SLC22A4: variants seen among roughly 807,000 people sequenced by gnomAD.
SLC22A4 encodes ET transporter.
A neutral mutation model predicts 56.6 loss-of-function variants in SLC22A4; 39 were observed. That is an observed-to-expected ratio of 0.69 (90% CI 0.53 to 0.90). The LOEUF is 0.90. Ranked by LOEUF, SLC22A4 falls within the 40% of genes least tolerant of loss-of-function variation. SLC22A4 has a pLI of 0.00. For synonymous variants in SLC22A4, 241 were observed against 281.4 expected (o/e 0.86, Z 1.44); for missense variants, 594 against 696.5 (o/e 0.85, Z 1.66).
chr5:132,294,920 G>A lies in SLC22A4; in HGVS notation c.304G>A (p.Asp102Asn), dbSNP rs1486217854. The A allele has an allele frequency of 6.3e-7, 1 of 1,597,328 alleles. No individual in the cohort carries two copies. Residue 102 changes from aspartate to asparagine, a missense_variant, in exon 1 of 10, where the codon GAC becomes AAC. By Grantham distance (23) the Asp-to-Asn change is conservative. Coordinates refer to ENST00000200652, the MANE Select transcript of SLC22A4 (RefSeq NM_003059.3). The surrounding 1 kb of genome is among the most constrained non-coding windows in gnomAD (Gnocchi z 5.6). ...GGCGCTCGGGCTGGAGCCGGGGCGCGACGTGGACCTGGGGCAGCTGGAGCA... is the reference window on the plus strand; with the variant it reads ...GGCGCTCGGGCTGGAGCCGGGGCGCAACGTGGACCTGGGGCAGCTGGAGCA... The part of the protein sequence containing the change: ...FSALGLEPGR[D>N]VDLGQLEQES...
At chr5:132,336,965 G>C (rs954427560) in intron 8 of SLC22A4, among the ~76,000 whole-genome samples, 4 of 152,100 alleles carry the variant, frequency 2.6e-5, no homozygotes, top group Admixed American at 1.3e-4. Flanking sequence ...CTTTTATACT[G>C]AAACACATAA....
intron 3 of SLC22A4, 123 bp downstream of exon 3, chr5:132,313,891 GAGCCGT>G (rs2126712879): frequency 9.3e-7 from 1 of 1,079,842 alleles, no homozygotes; most frequent in East Asian, 2.4e-5. Context: ...TCTTGGGAGG[GAGCCGT>G]AGCCACAGCT....
chr5:132,313,519 A>G, intron 2 of SLC22A4, 95 bp from the exon 3 acceptor site: 1 of 1,189,062 alleles, frequency 8.4e-7, no homozygotes, highest in South Asian at 1.2e-5. Flanking sequence ...GAGCCCTGAA[A>G]AAACACTAAG....
chr5:132,322,634 G>A (rs1311005905), intron 4 of SLC22A4, among the ~76,000 whole-genome samples: 2 of 152,198 alleles, frequency 1.3e-5, no homozygotes, highest in East Asian at 3.8e-4. Context: ...GGAGCTGGTG[G>A]TGTTGGATTT....
At chr5:132,329,089 C>T (rs141985220) in intron 5 of SLC22A4, among the ~76,000 whole-genome samples, 8 of 152,132 alleles carry the variant, frequency 5.3e-5, no homozygotes, top group African/African-American at 1.9e-4. Context: ...GCACTTGCCA[C>T]CAAACCCAGC....
At chr5:132,308,219 T>G (rs1179661290) in intron 1 of SLC22A4, among the ~76,000 whole-genome samples, 1 of 152,130 alleles carries the variant, frequency 6.6e-6, no homozygotes, top group Non-Finnish European at 1.5e-5. Flanking sequence ...CCAGGGCTGC[T>G]GGCCTCATGC....
At chr5:132,340,432 CTT>C in intron 8 of SLC22A4, 131 bp from the exon 9 acceptor site, 1 of 897,814 alleles carries the variant, frequency 1.1e-6, no homozygotes, top group Non-Finnish European at 1.9e-6. Flanking sequence ...ATTTTGCTTA[CTT>C]TTTTTTCTCT....
chr5:132,312,207 C>A lies in SLC22A4; in HGVS notation c.440C>A (p.Ser147Tyr), dbSNP rs1449848711. 1 of 1,613,730 alleles carries A rather than the reference C, an allele frequency of 6.2e-7. No homozygotes were observed. The highest frequency in any genetic ancestry group is 8.5e-7 in the Non-Finnish European group (1 of 1,179,726). Residue 147 changes from serine to tyrosine, a missense_variant, in exon 2 of 10, where the codon TCC (serine) becomes TAC (tyrosine). Transcript: ENST00000200652. ...EDNWKVPLTTSLFFVGVLLGS... is the reference protein window; with the variant it reads ...EDNWKVPLTTYLFFVGVLLGS... ...AACTGGAAGGTGCCCCTCACCACCT[C>A]CCTGTTCTTCGTAGGCGTGCTCCTC... is the stretch of plus-strand genomic sequence containing the variant.
chr5:132,327,398 G>A lies in SLC22A4; in HGVS notation c.946G>A (p.Val316Met). 2 of 1,612,788 alleles carry A rather than the reference G, an allele frequency of 1.2e-6. No individual in the cohort carries two copies. The highest frequency in any genetic ancestry group is 2.2e-5 in the East Asian group (1 of 44,840). ...IAVPAVIFDSVEELNPLKQQK... is the reference protein window; with the variant it reads ...IAVPAVIFDSMEELNPLKQQK... The stretch of plus-strand genomic sequence containing the variant: ...TGTACCAGCAGTGATATTTGATTCT[G>A]TGGAGGTAAGCATTTGCAGATGTTT... The change falls in exon 5 of 10, where the codon GTG becomes ATG. Residue 316 changes from valine (V) to methionine (M), a missense_variant. Physicochemically the swap from Val to Met is conservative, Grantham distance 21 (BLOSUM62 1). Coordinates refer to ENST00000200652, the MANE Select transcript of SLC22A4 (RefSeq NM_003059.3).
At chr5:132,317,022 T>C (rs1031330283) in intron 3 of SLC22A4, among the ~76,000 whole-genome samples, 7 of 152,192 alleles carry the variant, frequency 4.6e-5, no homozygotes, top group Non-Finnish European at 1.0e-4. Flanking sequence ...GCCTTCTCCC[T>C]AAGTCCTCAC....
intron 8 of SLC22A4, among the ~76,000 whole-genome samples, chr5:132,338,276 G>A (rs1244083555): frequency 1.3e-5 from 2 of 152,150 alleles, no homozygotes; most frequent in African/African-American, 4.8e-5. Context: ...TTTCAAAAGG[G>A]GAGGGAGTGT....
chr5:132,343,834 G>GA lies in SLC22A4; in HGVS notation c.*5dup, dbSNP rs893258044. The change falls in exon 10 of 10, where the codon TGA becomes TGAA. Residue 552 remains the stop codon, a frameshift_variant and stop_retained_variant. Coordinates refer to ENST00000200652, the MANE Select transcript of SLC22A4 (RefSeq NM_003059.3). LOFTEE classifies it high-confidence loss of function. The stretch of plus-strand genomic sequence containing the variant: ...CCCAAGGTTCTAATAACTGCATTCT[G>GA]AAAAAATATCTACCCCATTTGGTGA... ...ENPKVLITAF[*] 4.4e-6 allele frequency: 7 copies of GA among 1,586,502 alleles called. No homozygotes were observed. Among genetic ancestry groups the GA allele is most frequent in the Non-Finnish European group, 6.1e-6 (7 of 1,156,842 alleles).
intron 3 of SLC22A4, among the ~76,000 whole-genome samples, chr5:132,318,964 C>A (rs747998007): frequency 6.6e-6 from 1 of 152,122 alleles, no homozygotes; most frequent in African/African-American, 2.4e-5. Flanking sequence ...CATAAAAGAT[C>A]TGTGTAATCA....
At chr5:132,307,138 AAGT>A (rs1217888897) in intron 1 of SLC22A4, among the ~76,000 whole-genome samples, 1 of 152,204 alleles carries the variant, frequency 6.6e-6, no homozygotes, top group Non-Finnish European at 1.5e-5. Context: ...TGTTACAAAA[AAGT>A]AATTAACTAG....
intron 1 of SLC22A4, among the ~76,000 whole-genome samples, chr5:132,301,659 A>T (rs1038541180): frequency 1.5e-4 from 23 of 152,206 alleles, no homozygotes; most frequent in African/African-American, 5.5e-4. Context: ...AACTTCTGGG[A>T]GGCACTGAGA....
At chr5:132,338,049 T>C (rs1751080550) in intron 8 of SLC22A4, among the ~76,000 whole-genome samples, 1 of 152,126 alleles carries the variant, frequency 6.6e-6, no homozygotes, top group South Asian at 2.1e-4. Context: ...CTGGCCTTCT[T>C]TGCCCATTCT....
rs1174203906 is a variant in SLC22A4, at chr5:132,335,823, T to A, written c.1267T>A (p.Tyr423Asn). ...ATACCGGGTCTCTTTTCCAGATTAT[T>A]ACTTCTTATCCATTGGTCTGGTCAT... The part of the protein sequence containing the change: ...LFIQLVPVDY[Y>N]FLSIGLVMLG... The change falls in exon 8 of 10, where the codon TAC (tyrosine) becomes AAC (asparagine). Residue 423 changes from tyrosine to asparagine, a missense_variant. Tyr to Asn is a moderately radical substitution (Grantham distance 143). Transcript: ENST00000200652. 1 of 1,613,612 alleles carries A rather than the reference T, an allele frequency of 6.2e-7. No homozygotes were observed.
chr5:132,296,222 G>A (rs1290720761), intron 1 of SLC22A4, among the ~76,000 whole-genome samples: 1 of 152,228 alleles, frequency 6.6e-6, no homozygotes, highest in Non-Finnish European at 1.5e-5. Flanking sequence ...GTCTAGGCAA[G>A]AGTATGGGAA....
chr5:132,326,488 G>A (rs1750693874), intron 4 of SLC22A4, among the ~76,000 whole-genome samples: 1 of 152,152 alleles, frequency 6.6e-6, no homozygotes, highest in Admixed American at 6.5e-5. Context: ...ACCATCATAA[G>A]TTAGGGACCA....
Sources: allele counts gnomAD v4.1 joint callset (sites outside exome capture counted in the v4.1 genomes callset), GRCh38; gene constraint gnomAD v4.1.1; non-coding constraint Gnocchi (gnomAD v3.1); transcripts MANE v1.5; gene names NCBI Gene and HGNC (gene_info 2026-07-23, HGNC 2026-07-21).